Variants in MSH4 observed in about 807,000 individuals in gnomAD.
MSH4 encodes the protein mutS homolog 4.
Under a neutral mutation model 113.7 loss-of-function variants are expected in MSH4, and 106 were observed. The observed-to-expected ratio is 0.93, with a 90% CI of 0.80 to 1.10. The LOEUF (loss-of-function observed/expected upper bound fraction) is 1.10. Ranked by LOEUF, MSH4 falls within the 50% of genes least tolerant of loss-of-function variation. MSH4 has a pLI of 0.00. For missense variants in MSH4, 1,061 were observed against 1,093.7 expected (o/e 0.97, Z 0.42); for synonymous variants, 368 against 380.2 (o/e 0.97, Z 0.37).
intron 4 of MSH4, among the ~76,000 whole-genome samples, chr1:75,811,515 CT>C (rs1163225125): frequency 6.6e-6 from 1 of 152,178 alleles, no homozygotes; most frequent in Non-Finnish European, 1.5e-5. Context: ...GGGATAGCAG[CT>C]ATCAGCAAGT....
chr1:75,822,692 T>G (rs1173327982), intron 7 of MSH4, 111 bp downstream of exon 7: 1 of 532,114 alleles, frequency 1.9e-6, no homozygotes, highest in East Asian at 3.7e-5. Context: ...AATTCTTGTA[T>G]TCTTTTATGG....
intron 1 of MSH4, among the ~76,000 whole-genome samples, chr1:75,799,611 A>G (rs1365701834): frequency 6.6e-6 from 1 of 152,226 alleles, no homozygotes; most frequent in East Asian, 1.9e-4. Context: ...CTTGAGAAAA[A>G]CACGTGCAAA....
In MSH4 at chr1:75,796,884, G is replaced by A. The variant is rs1557485052; in HGVS notation, c.-102G>A. 6 of 1,535,338 alleles carry A rather than the reference G, an allele frequency of 3.9e-6. No homozygotes were observed. The highest frequency in any genetic ancestry group is 1.4e-5 in the African/African-American group (1 of 73,030). ...GCAGTGCAGCTTAGTGCGTCGGCGCGCAGTTCTCCCGCCCGTTTCAGCGGC... is the reference window on the plus strand; with the variant it reads ...GCAGTGCAGCTTAGTGCGTCGGCGCACAGTTCTCCCGCCCGTTTCAGCGGC... On this transcript the variant is annotated 5_prime_UTR_variant, in exon 1 of 20. Coordinates refer to ENST00000263187, the MANE Select transcript of MSH4 (RefSeq NM_002440.4).
At chr1:75,857,566 T>C (rs1376741997) in intron 8 of MSH4, among the ~76,000 whole-genome samples, 1 of 152,206 alleles carries the variant, frequency 6.6e-6, no homozygotes, top group Admixed American at 6.5e-5. Context: ...ATTGCTTGTA[T>C]GTCTCAGGTT....
In MSH4 at chr1:75,854,011, G is replaced by GTATATATATA. The variant is rs72458089; in HGVS notation, c.1230+5736_1230+5737insATATATATAT. The stretch of plus-strand genomic sequence containing the variant: ...TCATGGCTAGGGCATAAGTGTGTGT[G>GTATATATATA]TGTATATATATATATATGCATAAAT... On this transcript the variant is annotated intron_variant, in intron 8 of 19. Transcript: ENST00000263187. Among the ~76,000 whole-genome samples the GTATATATATA allele has an allele frequency of 1.3e-3, 144 of 112,164 alleles. 8 individuals are homozygous for GTATATATATA. Among genetic ancestry groups the GTATATATATA allele is most frequent in the East Asian group, 8.5e-4 (2 of 2,350 alleles). 73.6% of individuals were successfully genotyped at this position (112,164 alleles called of 152,430 possible). A position where few individuals can be genotyped will look rare whatever the true frequency, so the allele number is the denominator to read the frequency against.
intron 2 of MSH4, among the ~76,000 whole-genome samples, chr1:75,804,288 T>C (rs1406558741): frequency 6.6e-6 from 1 of 151,962 alleles, no homozygotes; most frequent in Non-Finnish European, 1.5e-5. Flanking sequence ...TCTTGAAGAG[T>C]AGATAGATAA....
At chr1:75,889,510 GC>G in intron 16 of MSH4, 141 bp downstream of exon 16, 1 of 416,470 alleles carries the variant, frequency 2.4e-6, no homozygotes, top group Non-Finnish European at 4.4e-6. Flanking sequence ...GTCAAAGACA[GC>G]CTCCTAATTT....
At chr1:75,907,871 C>T (rs1398501321) in intron 19 of MSH4, among the ~76,000 whole-genome samples, 2 of 150,598 alleles carry the variant, frequency 1.3e-5, no homozygotes, top group Non-Finnish European at 3.0e-5. Context: ...CATGTGCCAC[C>T]GTGCCTGTCT....
intron 19 of MSH4, among the ~76,000 whole-genome samples, chr1:75,908,820 C>A (rs1241926721): frequency 6.6e-6 from 1 of 152,138 alleles, no homozygotes; most frequent in East Asian, 1.9e-4. Flanking sequence ...GCACCTTAAG[C>A]CCAGAATTTC....
chr1:75,898,554 T>C (rs1046665121), intron 18 of MSH4, among the ~76,000 whole-genome samples: 1 of 150,894 alleles, frequency 6.6e-6, no homozygotes, highest in Non-Finnish European at 1.5e-5. Context: ...AGTCTCACTC[T>C]GTCGCCCAGG....
At chr1:75,864,574 G>T (rs1651523070) in intron 8 of MSH4, among the ~76,000 whole-genome samples, 1 of 152,082 alleles carries the variant, frequency 6.6e-6, no homozygotes, top group African/African-American at 2.4e-5. Context: ...TTTAATTTGT[G>T]TTTTCCTATT....
chr1:75,850,872 T>A (rs938899277), intron 8 of MSH4, among the ~76,000 whole-genome samples: 3 of 152,186 alleles, frequency 2.0e-5, no homozygotes, highest in African/African-American at 7.2e-5. Context: ...GTTATTAGAT[T>A]CATAAACATT....
At chr1:75,880,782 G>T (rs138788596) in intron 13 of MSH4, among the ~76,000 whole-genome samples, 1 of 151,938 alleles carries the variant, frequency 6.6e-6, no homozygotes, top group Non-Finnish European at 1.5e-5. Context: ...GTGTCTGTGT[G>T]CATGTGTGTG....
In MSH4 at chr1:75,879,516, A is replaced by G. The variant is rs546406363; in HGVS notation, c.1677+388A>G. Among the ~76,000 whole-genome samples the G allele has an allele frequency of 5.7e-4, 87 of 152,340 alleles. 1 individual carries two copies. In the Middle Eastern group the frequency reaches 0.01, roughly 18 times the overall value. On this transcript the variant is annotated intron_variant, in intron 12 of 19. Transcript: ENST00000263187. ...ATTTCCAAACCTTTGTACCACAGGA[A>G]TAATTTTTCCTATATAGCTCCTTTA...
At position 75,876,927 on chromosome 1, in the gene MSH4, C is replaced by T; in HGVS notation, c.1306-9C>T. 1 of 1,469,076 alleles carries T rather than the reference C, an allele frequency of 6.8e-7. No homozygotes were observed. Among genetic ancestry groups the T allele is most frequent in the Non-Finnish European group, 9.2e-7 (1 of 1,090,124 alleles). The allele number at this position is 1,469,076 out of a possible 1,614,324, so 91.0% of individuals were successfully genotyped here. ...TTATCCTTAACTTTTTTATTTTATT[C>T]TTTAATAGATTGCTATGAAGAACTG... On this transcript the variant is annotated splice_polypyrimidine_tract_variant and intron_variant, in intron 9 of 19. Coordinates refer to ENST00000263187, the MANE Select transcript of MSH4 (RefSeq NM_002440.4).
rs150878521 is a variant in MSH4, at chr1:75,803,766, A to G, written c.280A>G (p.Asn94Asp). 2.3e-5 allele frequency: 37 copies of G among 1,594,214 alleles called. No homozygotes were observed. The highest frequency in any genetic ancestry group is 3.0e-5 in the Non-Finnish European group (35 of 1,173,748). Residue 94 changes from asparagine (N) to aspartate (D), a missense_variant, in exon 2 of 20, where the codon AAC (asparagine) becomes GAC (aspartate). Physicochemically the swap from Asn to Asp is conservative, Grantham distance 23 (BLOSUM62 1). Transcript: ENST00000263187. Reference sequence around the variant, plus strand: ...TGGAAACAAAAGAGCTTATGCAGAAAACACAGTTGCATCAAATTTTACTTT... The same window carrying G: ...TGGAAACAAAAGAGCTTATGCAGAAGACACAGTTGCATCAAATTTTACTTT... Reference protein sequence around the residue: ...YFGNKRAYAENTVASNFTFGA... With the variant: ...YFGNKRAYAEDTVASNFTFGA...
At chr1:75,836,999 A>G (rs908203526) in intron 7 of MSH4, among the ~76,000 whole-genome samples, 1 of 152,152 alleles carries the variant, frequency 6.6e-6, no homozygotes, top group Non-Finnish European at 1.5e-5. Flanking sequence ...CCTTCTGAGC[A>G]TTTGCTGTGA....
intron 17 of MSH4, among the ~76,000 whole-genome samples, chr1:75,892,812 G>T (rs1652287547): frequency 6.6e-6 from 1 of 152,134 alleles, no homozygotes; most frequent in African/African-American, 2.4e-5. Context: ...CAGGGGGGCT[G>T]TAAGAAGGGC....
chr1:75,912,200 T>C (rs1652801916), intron 19 of MSH4, among the ~76,000 whole-genome samples: 1 of 152,150 alleles, frequency 6.6e-6, no homozygotes, highest in African/African-American at 2.4e-5. Flanking sequence ...CAAGCAATTT[T>C]CTGATGACCC....
Sources: gnomAD v4.1 joint callset for allele counts (sites outside exome capture counted in the v4.1 genomes callset) on GRCh38, gnomAD v4.1.1 for gene constraint, MANE v1.5 for transcripts, NCBI Gene and HGNC (gene_info 2026-07-23, HGNC 2026-07-21) for gene names.